Variants in DSCAM observed in about 807,000 individuals in gnomAD.
DSCAM encodes the protein cell adhesion molecule DSCAM.
DSCAM carries 47 observed loss-of-function variants against 217.7 expected under a neutral mutation model. The ratio of observed to expected loss-of-function variants is 0.22; its 90% CI spans 0.17 to 0.28. The LOEUF is 0.28. DSCAM is among the 10% of genes least tolerant of loss of function. DSCAM has a pLI of 1.00. For synonymous variants in DSCAM, 1,056 were observed against 1,015.3 expected (o/e 1.04, Z -0.76); for missense variants, 2,080 against 2,618.3 (o/e 0.79, Z 4.49).
chr21:40,588,341 A>G (rs1319051649), intron 3 of DSCAM, among the ~76,000 whole-genome samples: 1 of 152,244 alleles, frequency 6.6e-6, no homozygotes, highest in Non-Finnish European at 1.5e-5. Context: ...TATTCAGGAA[A>G]AAATTACTTT....
chr21:40,293,372 GA>G (rs1180709007), intron 10 of DSCAM, among the ~76,000 whole-genome samples: 5 of 152,110 alleles, frequency 3.3e-5, no homozygotes, highest in African/African-American at 1.2e-4. Context: ...GCCATCGTTT[GA>G]GGATGAAGAA....
chr21:40,491,862 C>T lies in DSCAM; in HGVS notation c.509-122617G>A, dbSNP rs377346339. ...GTTTGAAGCATTTTGCCCCCACTGA[C>T]TATTGCCAACCCCTATGCCATCACT... On this transcript the variant is annotated intron_variant, in intron 3 of 32. Transcript: ENST00000400454. Among the ~76,000 whole-genome samples, 250 of 152,326 alleles carry T rather than the reference C, an allele frequency of 1.6e-3. 2 individuals carry two copies. The highest frequency in any genetic ancestry group is 0.01 in the Middle Eastern group (3 of 294).
At chr21:40,419,137 G>C (rs2075399347) in intron 3 of DSCAM, among the ~76,000 whole-genome samples, 1 of 76,892 alleles carries the variant, frequency 1.3e-5, no homozygotes, top group Non-Finnish European at 2.5e-5. Flanking sequence ...TACCCGGCTA[G>C]CTTTTTTTTT....
rs115478276 is a variant in DSCAM at position 40,062,287 on chromosome 21, C to T, written c.4919+582G>A. Among the ~76,000 whole-genome samples, 506 of 152,304 alleles carry T rather than the reference C, an allele frequency of 3.3e-3. 5 individuals carry two copies. The highest frequency in any genetic ancestry group is 0.012 in the African/African-American group (487 of 41,574). On this transcript the variant is annotated intron_variant, in intron 28 of 32. Coordinates refer to ENST00000400454, the MANE Select transcript of DSCAM (RefSeq NM_001389.5). ...TCGTACTCATTCAATAACCACTCTT[C>T]ATTCATCCCCTCCACGGTTATGAAT...
intron 10 of DSCAM, among the ~76,000 whole-genome samples, chr21:40,279,621 C>G (rs1215552855): frequency 6.6e-6 from 1 of 152,204 alleles, no homozygotes; most frequent in Non-Finnish European, 1.5e-5. Context: ...AATCCCATTA[C>G]TGGGTATATA....
intron 20 of DSCAM, among the ~76,000 whole-genome samples, chr21:40,118,584 T>A (rs2089998971): frequency 6.6e-6 from 1 of 152,142 alleles, no homozygotes; most frequent in South Asian, 2.1e-4. Context: ...AAACTCCGTC[T>A]CAAAACAAAC....
At chr21:40,768,255 C>G (rs896851515) in intron 1 of DSCAM, among the ~76,000 whole-genome samples, 2 of 152,176 alleles carry the variant, frequency 1.3e-5, no homozygotes, top group African/African-American at 4.8e-5. Context: ...CCAGATGGCA[C>G]CCCAGTGGCT....
intron 1 of DSCAM, among the ~76,000 whole-genome samples, chr21:40,785,007 T>C (rs1392901960): frequency 6.6e-6 from 1 of 152,240 alleles, no homozygotes; most frequent in Non-Finnish European, 1.5e-5. Context: ...TTTAGTCTTC[T>C]AATTCATAAA....
At chr21:40,521,593 C>T (rs8133318) in intron 3 of DSCAM, among the ~76,000 whole-genome samples, 39,080 of 151,848 alleles carry the variant, frequency 0.26, 6,030 homozygotes, top group African/African-American at 0.41. Context: ...TTGCTGTTGA[C>T]CTGTTTGAGT....
At chr21:40,136,101 G>A (rs1282844592) in intron 18 of DSCAM, among the ~76,000 whole-genome samples, 1 of 152,126 alleles carries the variant, frequency 6.6e-6, no homozygotes, top group Non-Finnish European at 1.5e-5. Flanking sequence ...AGGCCAGCAG[G>A]GTGCCAGCTG....
intron 20 of DSCAM, among the ~76,000 whole-genome samples, chr21:40,111,321 C>T (rs1205804669): frequency 6.6e-6 from 1 of 151,800 alleles, no homozygotes; most frequent in Non-Finnish European, 1.5e-5. Flanking sequence ...AACTAAGCTT[C>T]ATAAGTGAAG....
intron 3 of DSCAM, among the ~76,000 whole-genome samples, chr21:40,376,391 GAT>G (rs972351272): frequency 6.9e-6 from 1 of 144,844 alleles, no homozygotes; most frequent in African/African-American, 2.5e-5. Context: ...GGAAATAGAA[GAT>G]ATATATATAT....
At chr21:40,310,079 G>A (rs1170649043) in intron 9 of DSCAM, among the ~76,000 whole-genome samples, 4 of 152,116 alleles carry the variant, frequency 2.6e-5, no homozygotes, top group Non-Finnish European at 5.9e-5. Context: ...TGATGCCTGG[G>A]TCCCACCTCC....
At chr21:40,747,321 A>C (rs2091185066) in intron 1 of DSCAM, among the ~76,000 whole-genome samples, 1 of 151,476 alleles carries the variant, frequency 6.6e-6, no homozygotes, top group African/African-American at 2.4e-5. Flanking sequence ...AAGCTAGACT[A>C]AGGAAAAAGA....
At chr21:40,215,904 T>C (rs1489483051) in intron 11 of DSCAM, among the ~76,000 whole-genome samples, 1 of 151,376 alleles carries the variant, frequency 6.6e-6, no homozygotes. Flanking sequence ...CTACATTCTG[T>C]ATAAAAAAGG....
At position 40,055,853 on chromosome 21, in the gene DSCAM, T is replaced by C. The variant is rs1201678773; in HGVS notation, c.4920-13A>G. On this transcript the variant is annotated splice_polypyrimidine_tract_variant and intron_variant, in intron 28 of 32. Transcript: ENST00000400454. ...CCGGGTATTCTTACTGGGAATAAAA[T>C]GGGGTAATGCATTAACAAATCCAGT... 8.8e-6 allele frequency: 14 copies of C among 1,597,234 alleles called. No homozygotes were observed. Among genetic ancestry groups the C allele is most frequent in the Non-Finnish European group, 1.2e-5 (14 of 1,164,858 alleles).
chr21:40,169,687 C>T (rs2090634918), intron 15 of DSCAM, among the ~76,000 whole-genome samples: 1 of 152,078 alleles, frequency 6.6e-6, no homozygotes, highest in African/African-American at 2.4e-5. Context: ...ACATTGCGGC[C>T]TCGATTTTCC....
At chr21:40,238,783 G>C (rs2146937595) in intron 11 of DSCAM, among the ~76,000 whole-genome samples, 1 of 152,230 alleles carries the variant, frequency 6.6e-6, no homozygotes, top group Non-Finnish European at 1.5e-5. Flanking sequence ...AGAGGTGACA[G>C]TGCAGTACTC....
chr21:40,347,682 C>A lies in DSCAM; in HGVS notation c.1198G>T (p.Val400Leu). The A allele has an allele frequency of 6.2e-7, 1 of 1,613,900 alleles. No homozygotes were observed. Among genetic ancestry groups the A allele is most frequent in the Non-Finnish European group, 8.5e-7 (1 of 1,179,956 alleles). The change falls in exon 6 of 33, where the codon GTG becomes TTG. Residue 400 changes from valine (V) to leucine (L), a missense_variant. By Grantham distance (32) the Val-to-Leu change is conservative. Transcript: ENST00000400454. ...GAGGCCCACTGACCTTCAAGGACCA[C>A]CTGCACATAGTCTTGAGCGGACAGC... ...DKLSAQDYVQVVLEDGTPKII... is the reference protein window; with the variant it reads ...DKLSAQDYVQLVLEDGTPKII...
Sources: gnomAD v4.1 joint callset for allele counts (sites outside exome capture counted in the v4.1 genomes callset) on GRCh38, gnomAD v4.1.1 for gene constraint, MANE v1.5 for transcripts, NCBI Gene and HGNC (gene_info 2026-07-23, HGNC 2026-07-21) for gene names.